Variants in RNF214 observed in about 807,000 individuals in gnomAD.
RNF214 encodes the protein ring finger protein 214.
In RNF214, 25 loss-of-function variants were observed where a neutral mutation model predicts 75.9. The observed-to-expected ratio is 0.33, with a 90% CI of 0.24 to 0.46. The LOEUF is 0.46. Among genes scored for constraint, RNF214 ranks in the 20% least tolerant of loss-of-function variants. RNF214 has a pLI of 1.00. For missense variants in RNF214, 725 were observed against 857.5 expected (o/e 0.85, Z 1.93); for synonymous variants, 314 against 308.8 (o/e 1.02, Z -0.18).
chr11:117,282,675 T>G, intron 12 of RNF214, 71 bp from the exon 13 acceptor site: 1 of 1,551,044 alleles, frequency 6.4e-7, no homozygotes, highest in Non-Finnish European at 8.9e-7. Flanking sequence ...GACTGGGAAA[T>G]AAGTGATTTT....
intron 4 of RNF214, among the ~76,000 whole-genome samples, chr11:117,243,467 G>T (rs1250226481): frequency 6.6e-6 from 1 of 152,096 alleles, no homozygotes; most frequent in East Asian, 1.9e-4. Flanking sequence ...TTGTTAAAAT[G>T]ATTATAATAG....
At chr11:117,251,418 C>CGGGTCAT (rs2033384938) in intron 6 of RNF214, among the ~76,000 whole-genome samples, 1 of 146,372 alleles carries the variant, frequency 6.8e-6, no homozygotes, top group Non-Finnish European at 1.5e-5. Flanking sequence ...GGCGGCTGGC[C>CGGGTCAT]TGGCGGGGGG....
intron 6 of RNF214, among the ~76,000 whole-genome samples, chr11:117,261,245 T>C (rs2033655540): frequency 6.6e-6 from 1 of 152,216 alleles, no homozygotes; most frequent in Admixed American, 6.5e-5. Context: ...CTTATTAAAA[T>C]GAATGGGTAC....
chr11:117,270,732 G>A (rs1260018780), intron 6 of RNF214, among the ~76,000 whole-genome samples: 1 of 152,112 alleles, frequency 6.6e-6, no homozygotes, highest in African/African-American at 2.4e-5. Context: ...ACAGGCATGA[G>A]CCACCTCACC....
Position 117,262,707 on chromosome 11 carries a change from T to TTGTGTGTGTGTGTG in RNF214, c.959+15773_959+15786dup, listed in dbSNP as rs57686552. Among the ~76,000 whole-genome samples the TTGTGTGTGTGTGTG allele has an allele frequency of 6.8e-3, 1,005 of 147,752 alleles. 8 individuals are homozygous for TTGTGTGTGTGTGTG. Among genetic ancestry groups the TTGTGTGTGTGTGTG allele is most frequent in the East Asian group, 0.019 (94 of 4,994 alleles). On this transcript the variant is annotated intron_variant, in intron 6 of 14. Coordinates refer to ENST00000300650, the MANE Select transcript of RNF214 (RefSeq NM_207343.4). ...CTTTGTCTGTGTTTATTGAGGAACGTTGTGTGTGTGTGTGTGTGTGTGTGT... is the reference window on the plus strand; with the variant it reads ...CTTTGTCTGTGTTTATTGAGGAACGTTGTGTGTGTGTGTGTGTGTGTGTGTGTGTGTGTGTGTGT...
chr11:117,249,706 CTT>C (rs1430491758), intron 6 of RNF214, among the ~76,000 whole-genome samples: 3 of 152,230 alleles, frequency 2.0e-5, no homozygotes, highest in Non-Finnish European at 2.9e-5. Context: ...TGGTGAGAAT[CTT>C]TTCCTGGTTT....
chr11:117,262,111 C>G (rs2033679580), intron 6 of RNF214, among the ~76,000 whole-genome samples: 1 of 151,416 alleles, frequency 6.6e-6, no homozygotes, highest in African/African-American at 2.4e-5. Flanking sequence ...GCTCCGTCCC[C>G]CAGGCTGGAG....
intron 6 of RNF214, among the ~76,000 whole-genome samples, chr11:117,261,058 T>G (rs570597941): frequency 6.6e-6 from 1 of 152,194 alleles, no homozygotes; most frequent in South Asian, 2.1e-4. Context: ...TTGCACTGGC[T>G]AGGACCTCCA....
At chr11:117,270,593 G>A (rs2033890823) in intron 6 of RNF214, among the ~76,000 whole-genome samples, 1 of 149,960 alleles carries the variant, frequency 6.7e-6, no homozygotes, top group Admixed American at 6.7e-5. Context: ...GACTACAGGT[G>A]CCTACTACCA....
intron 6 of RNF214, among the ~76,000 whole-genome samples, chr11:117,269,554 G>A (rs983171600): frequency 6.6e-6 from 1 of 152,102 alleles, no homozygotes; most frequent in Non-Finnish European, 1.5e-5. Flanking sequence ...GTAGAGATGG[G>A]ATTTTGCCAT....
chr11:117,245,441 G>A (rs1349184755), intron 5 of RNF214, among the ~76,000 whole-genome samples: 8 of 150,302 alleles, frequency 5.3e-5, no homozygotes, highest in South Asian at 2.1e-4. Flanking sequence ...CTGGATTCAC[G>A]CCATTCTCCT....
intron 6 of RNF214, among the ~76,000 whole-genome samples, chr11:117,269,100 C>T (rs1437070860): frequency 6.6e-6 from 1 of 152,058 alleles, no homozygotes; most frequent in African/African-American, 2.4e-5. Context: ...AAATTATTTT[C>T]AGGGGAAAAG....
chr11:117,239,932 T>C, intron 4 of RNF214, 72 bp downstream of exon 4: 2 of 822,626 alleles, frequency 2.4e-6, no homozygotes, highest in Non-Finnish European at 2.1e-6. Flanking sequence ...ATCATCTCAG[T>C]TGGAAAAGGT....
intron 5 of RNF214, among the ~76,000 whole-genome samples, chr11:117,245,363 G>T (rs558574426): frequency 1.4e-5 from 2 of 147,194 alleles, no homozygotes; most frequent in African/African-American, 2.5e-5. Flanking sequence ...TTTTTGAGAC[G>T]GAGTCTCGCT....
chr11:117,256,603 GTCTT>G (rs1352573936), intron 6 of RNF214, among the ~76,000 whole-genome samples: 3 of 152,196 alleles, frequency 2.0e-5, no homozygotes, highest in Non-Finnish European at 4.4e-5. Flanking sequence ...TCTCCAGGTG[GTCTT>G]TCCAGCAGAT....
intron 2 of RNF214, 29 bp from the exon 3 acceptor site, chr11:117,238,572 C>T: frequency 6.4e-7 from 1 of 1,571,278 alleles, no homozygotes; most frequent in Non-Finnish European, 8.6e-7. Context: ...GTATTATATA[C>T]TTTTCTTTTT....
intron 1 of RNF214, 28 bp from the exon 2 acceptor site, chr11:117,234,239 A>G: frequency 6.6e-7 from 1 of 1,523,260 alleles, no homozygotes; most frequent in Non-Finnish European, 9.1e-7. Context: ...GGAAACTTGT[A>G]GCCTGTAATT....
rs908565538 is a variant in RNF214 at position 117,234,232 on chromosome 11, A to C, written c.-6-35A>C. On this transcript the variant is annotated intron_variant, in intron 1 of 14. Transcript: ENST00000300650. ...AGATACATTTGTTTTAAACTTTGGA[A>C]ACTTGTAGCCTGTAATTTGTTTCTG... 8.0e-6 allele frequency: 12 copies of C among 1,495,574 alleles called. No homozygotes were observed. The Admixed American group carries it at 8.4e-5, about 10-fold the overall frequency. The allele number at this position is 1,495,574 out of a possible 1,614,324, so 92.6% of individuals were successfully genotyped here. A position where few individuals can be genotyped will look rare whatever the true frequency, so the allele number is the denominator to read the frequency against.
chr11:117,282,164 G>T lies in RNF214; in HGVS notation c.1606G>T (p.Gly536Cys). 15 of 1,613,952 alleles carry T rather than the reference G, an allele frequency of 9.3e-6. No homozygotes were observed. The highest frequency in any genetic ancestry group is 1.2e-5 in the Non-Finnish European group (14 of 1,179,936). The part of the protein sequence containing the change: ...PPAASIPPPP[G>C]LGGVKASAET... ...TGCCGCCTCCATCCCACCTCCCCCA[G>T]GCTTGGGCGGTGTTAAGGCTTCTGC... The change falls in exon 11 of 15, where the codon GGC (glycine) becomes TGC (cysteine). Residue 536 changes from glycine (G) to cysteine (C), a missense_variant. Coordinates refer to ENST00000300650, the MANE Select transcript of RNF214 (RefSeq NM_207343.4).
Sources: gnomAD v4.1 joint callset for allele counts (sites outside exome capture counted in the v4.1 genomes callset) on GRCh38, gnomAD v4.1.1 for gene constraint, MANE v1.5 for transcripts, NCBI Gene and HGNC (gene_info 2026-07-23, HGNC 2026-07-21) for gene names.